The following GLI3 variants were observed in gnomAD, a reference collection of about 807,000 sequenced individuals.
The protein encoded by GLI3 is transcription activator GLI3.
Under a neutral mutation model 100.8 loss-of-function variants are expected in GLI3, and 20 were observed. The observed-to-expected ratio is 0.20, with a 90% CI of 0.14 to 0.29. The LOEUF (loss-of-function observed/expected upper bound fraction) is 0.29. Among genes scored for constraint, GLI3 ranks in the 10% least tolerant of loss-of-function variants. The pLI is 1.00. For missense variants in GLI3, 2,040 were observed against 2,128.5 expected (o/e 0.96, Z 0.82); for synonymous variants, 938 against 860.5 (o/e 1.09, Z -1.58).
At chr7:42,015,926 C>A (rs148876684) in intron 10 of GLI3, among the ~76,000 whole-genome samples, 1 of 151,848 alleles carries the variant, frequency 6.6e-6, no homozygotes, top group Non-Finnish European at 1.5e-5. Flanking sequence ...CCACACTACG[C>A]GACAAGAGGA....
At chr7:42,126,362 G>C (rs1038236242) in intron 3 of GLI3, among the ~76,000 whole-genome samples, 1 of 143,240 alleles carries the variant, frequency 7.0e-6, no homozygotes, top group Non-Finnish European at 1.5e-5. Flanking sequence ...CTCATACTGA[G>C]TGAAATTGTA....
At position 42,176,872 on chromosome 7, in the gene GLI3, C is replaced by T. The variant is rs375575636; in HGVS notation, c.125-28404G>A. ...GAGCACAGGATCGCTTCCCTCTCCC[C>T]TCAGGCACTTTTTAAATCTAGCCCC... On this transcript the variant is annotated intron_variant, in intron 2 of 14. Coordinates refer to ENST00000395925, the MANE Select transcript of GLI3 (RefSeq NM_000168.6). Among the ~76,000 whole-genome samples the T allele has an allele frequency of 6.6e-5, 10 of 152,196 alleles. No homozygotes were observed. In the East Asian group the frequency reaches 1.2e-3, roughly 18 times the overall value.
intron 7 of GLI3, among the ~76,000 whole-genome samples, chr7:42,034,437 G>T (rs1272325329): frequency 6.6e-6 from 1 of 152,236 alleles, no homozygotes; most frequent in Non-Finnish European, 1.5e-5. Flanking sequence ...TTAGATTTCT[G>T]CTCTTCCAGA....
chr7:42,181,973 T>G (rs111669909), intron 2 of GLI3, among the ~76,000 whole-genome samples: 56 of 152,160 alleles, frequency 3.7e-4, no homozygotes, highest in African/African-American at 1.3e-3. Context: ...TGAGCTAGCT[T>G]TGTTACTGTT....
At chr7:42,261,842 A>G (rs938406827) in intron 1 of GLI3, among the ~76,000 whole-genome samples, 11 of 147,800 alleles carry the variant, frequency 7.4e-5, no homozygotes, top group Non-Finnish European at 4.5e-5. Context: ...ATCATAAGGA[A>G]CAGTCTTTGT....
At position 42,172,609 on chromosome 7, in the gene GLI3, T is replaced by C. The variant is rs1225887641; in HGVS notation, c.125-24141A>G. The stretch of plus-strand genomic sequence containing the variant: ...AGAGGATCTGTGGCTGAGTCGTTTG[T>C]GCAGCAGCAGGGATGGACAGCGCGG... On this transcript the variant is annotated intron_variant, in intron 2 of 14. Transcript: ENST00000395925. 1.3e-5 allele frequency: 9 copies of C among 702,946 alleles called. No individual in the cohort carries two copies. In the East Asian group the frequency reaches 1.9e-4, roughly 15 times the overall value. The allele number at this position is 702,946 out of a possible 1,614,324, so 43.5% of individuals were successfully genotyped here.
At chr7:42,005,798 A>T (rs770543973) in intron 10 of GLI3, among the ~76,000 whole-genome samples, 4 of 152,168 alleles carry the variant, frequency 2.6e-5, no homozygotes, top group Non-Finnish European at 4.4e-5. Context: ...GTTCCTCTCG[A>T]GTTCTAAAGA....
chr7:41,966,458 G>C lies in GLI3; in HGVS notation c.2615C>G (p.Ser872Cys), dbSNP rs1787187346. ...TGACGCCTCGCTGGAGCGGCGGCTG[G>C]AGAAGCAGGGCGAGATCCCTGAGGA... ...RRSSGISPCF[S>C]SRRSSEASQA... Residue 872 changes from serine to cysteine, a missense_variant, in exon 15 of 15, where the codon TCC (serine) becomes TGC (cysteine). Physicochemically the swap from Ser to Cys is moderately radical, Grantham distance 112. This residue lies in a region of GLI3 where 327 missense variants were observed against 338.7 expected (regional missense o/e 0.97). Transcript: ENST00000395925. This position sits in a 1 kb window ranked among gnomAD's most constrained non-coding sequence, Gnocchi z 5.8. The C allele has an allele frequency of 6.2e-7, 1 of 1,612,520 alleles. No individual in the cohort carries two copies. Among genetic ancestry groups the C allele is most frequent in the African/African-American group, 1.3e-5 (1 of 74,920 alleles).
At chr7:42,241,102 C>CA (rs1241881762), upstream of GLI3, among the ~76,000 whole-genome samples, 6 of 152,056 alleles carry the variant, frequency 3.9e-5, no homozygotes, top group Non-Finnish European at 8.8e-5. Flanking sequence ...TTTTTATTGA[C>CA]AAAAAAGTCC....
chr7:42,146,480 G>A (rs1786712333), intron 3 of GLI3, among the ~76,000 whole-genome samples: 1 of 152,198 alleles, frequency 6.6e-6, no homozygotes, highest in Admixed American at 6.5e-5. Flanking sequence ...GAAAGTTAAC[G>A]GTTATCTGCT....
intron 1 of GLI3, among the ~76,000 whole-genome samples, chr7:42,258,021 G>A (rs2128711483): frequency 6.6e-6 from 1 of 152,248 alleles, no homozygotes; most frequent in South Asian, 2.1e-4. Context: ...TTCTCGTGAT[G>A]TCCTTGTCTA....
intron 3 of GLI3, among the ~76,000 whole-genome samples, chr7:42,115,561 C>T (rs1785832356): frequency 1.3e-5 from 2 of 152,180 alleles, no homozygotes; most frequent in Non-Finnish European, 2.9e-5. Context: ...GTGGATGTTA[C>T]ATTAACTCTG....
intron 2 of GLI3, among the ~76,000 whole-genome samples, chr7:42,176,244 C>T (rs183334860): frequency 1.3e-5 from 2 of 152,254 alleles, no homozygotes; most frequent in East Asian, 3.9e-4. Context: ...CAAAGATCCA[C>T]CAAGATGCCA....
intron 10 of GLI3, among the ~76,000 whole-genome samples, chr7:41,996,746 G>C (rs846272): frequency 1.3e-4 from 19 of 151,946 alleles, no homozygotes; most frequent in African/African-American, 4.6e-4. Flanking sequence ...AATGCAGCTT[G>C]CTTTTCAGCC....
chr7:42,062,176 TC>T (rs1354776981), intron 4 of GLI3, among the ~76,000 whole-genome samples: 5 of 152,176 alleles, frequency 3.3e-5, no homozygotes, highest in Non-Finnish European at 5.9e-5. Flanking sequence ...TGATCTCCAT[TC>T]TACTCACAAG....
chr7:41,965,754 C>G lies in GLI3; in HGVS notation c.3319G>C (p.Gly1107Arg). Residue 1107 changes from glycine (G) to arginine (R), a missense_variant, in exon 15 of 15, where the codon GGG becomes CGG. By Grantham distance (125) the Gly-to-Arg change is moderately radical (BLOSUM62 -2). Transcript: ENST00000395925. The part of the protein sequence containing the change: ...VQYLNSQNQA[G>R]YEQHFPSALP... Reference sequence around the variant, plus strand: ...GCGCTGGGGAAGTGCTGCTCGTACCCTGCTTGGTTCTGGGAATTTAAATAC... The same window carrying G: ...GCGCTGGGGAAGTGCTGCTCGTACCGTGCTTGGTTCTGGGAATTTAAATAC... 1 of 1,613,496 alleles carries G rather than the reference C, an allele frequency of 6.2e-7. No individual in the cohort carries two copies. Among genetic ancestry groups the G allele is most frequent in the South Asian group, 1.1e-5 (1 of 91,078 alleles).
chr7:42,015,262 C>A (rs575539049), intron 10 of GLI3, among the ~76,000 whole-genome samples: 42 of 152,124 alleles, frequency 2.8e-4, no homozygotes. Flanking sequence ...TCCCATCCCC[C>A]ACTCACTGAT....
chr7:42,080,071 T>A (rs1027602808), intron 3 of GLI3, among the ~76,000 whole-genome samples: 2 of 152,180 alleles, frequency 1.3e-5, no homozygotes, highest in Non-Finnish European at 2.9e-5. Flanking sequence ...TCAAGGACAT[T>A]TAAAAGACAC....
chr7:42,055,086 T>C (rs528395422), intron 4 of GLI3, among the ~76,000 whole-genome samples: 1 of 136,470 alleles, frequency 7.3e-6, no homozygotes, highest in Non-Finnish European at 1.5e-5. Context: ...TATGTATATA[T>C]ACATATATAC....
Sources: allele counts gnomAD v4.1 joint callset (sites outside exome capture counted in the v4.1 genomes callset), GRCh38; gene constraint gnomAD v4.1.1; regional missense constraint gnomAD v4.1.1; non-coding constraint Gnocchi (gnomAD v3.1); transcripts MANE v1.5; gene names NCBI Gene and HGNC (gene_info 2026-07-23, HGNC 2026-07-21).